CDH4: variants seen among roughly 807,000 people sequenced by gnomAD.
CDH4 encodes cadherin-4.
A neutral mutation model predicts 86.0 loss-of-function variants in CDH4; 33 were observed. The observed-to-expected ratio is 0.38, with a 90% CI of 0.29 to 0.51. The LOEUF (loss-of-function observed/expected upper bound fraction) is 0.51. Among genes scored for constraint, CDH4 ranks in the 20% least tolerant of loss-of-function variants. The probability of loss-of-function intolerance (pLI) is 0.86; values close to 1 mark genes in which losing one functional copy is unlikely to be tolerated. For missense variants in CDH4, 1,114 were observed against 1,307.4 expected (o/e 0.85, Z 2.28); for synonymous variants, 555 against 549.4 (o/e 1.01, Z -0.14).
Position 61,544,171 on chromosome 20 carries a change from G to A in CDH4, c.170-199392G>A, listed in dbSNP as rs948713427. Among the ~76,000 whole-genome samples the A allele has an allele frequency of 5.9e-5, 9 of 152,158 alleles. No homozygotes were observed. Among genetic ancestry groups the A allele is most frequent in the Non-Finnish European group, 1.0e-4 (7 of 68,028 alleles). On this transcript the variant is annotated intron_variant, in intron 2 of 15. Transcript: ENST00000614565. The surrounding 1 kb of genome is among the most constrained non-coding windows in gnomAD (Gnocchi z 6.5). ...GGCCATGTGGTCTCTTTAGATCTGC[G>A]GTTCTCTTTCAGAGATGATGCTGCC...
chr20:61,335,472 G>T (rs2084612076), intron 2 of CDH4, among the ~76,000 whole-genome samples: 1 of 152,170 alleles, frequency 6.6e-6, no homozygotes, highest in South Asian at 2.1e-4. Flanking sequence ...TTACTCAGTG[G>T]GGCCTTCCAG....
At chr20:61,542,325 C>T (rs2086045689) in intron 2 of CDH4, among the ~76,000 whole-genome samples, 1 of 152,152 alleles carries the variant, frequency 6.6e-6, no homozygotes, top group Non-Finnish European at 1.5e-5. Context: ...TCAAAGGGCA[C>T]CTGCTTTTTC....
At chr20:61,892,123 T>C (rs1455601879) in intron 7 of CDH4, among the ~76,000 whole-genome samples, 1 of 152,208 alleles carries the variant, frequency 6.6e-6, no homozygotes, top group Non-Finnish European at 1.5e-5. Flanking sequence ...TTATTTACAA[T>C]AATAGTGATG....
rs552782475 is a variant in CDH4 at position 61,795,468 on chromosome 20, T to G, written c.576+22286T>G. Among the ~76,000 whole-genome samples the G allele has an allele frequency of 2.0e-5, 3 of 152,212 alleles. No individual in the cohort carries two copies. In the South Asian group the frequency reaches 6.2e-4, roughly 32 times the overall value. On this transcript the variant is annotated intron_variant, in intron 4 of 15. Transcript: ENST00000614565. ...GACAGGTGAGCAGGAAGTCACATCA[T>G]GGTGGCGTAAATGAGACACTCAGGG...
intron 2 of CDH4, among the ~76,000 whole-genome samples, chr20:61,652,267 C>T (rs941348671): frequency 6.6e-6 from 1 of 152,218 alleles, no homozygotes; most frequent in African/African-American, 2.4e-5. Flanking sequence ...TCGAACAGTT[C>T]CTTCCACCCT....
chr20:61,353,493 G>A (rs1201151627), intron 2 of CDH4, among the ~76,000 whole-genome samples: 2 of 151,998 alleles, frequency 1.3e-5, no homozygotes, highest in East Asian at 3.9e-4. Flanking sequence ...ACTGAGCCTT[G>A]CAGAATATAA....
chr20:61,812,625 A>G (rs183961349), intron 4 of CDH4, among the ~76,000 whole-genome samples: 6 of 152,250 alleles, frequency 3.9e-5, no homozygotes, highest in Non-Finnish European at 5.9e-5. Flanking sequence ...TGCCCCTGGT[A>G]TGTAATTTAG....
At chr20:61,720,385 G>C (rs2088023060) in intron 2 of CDH4, among the ~76,000 whole-genome samples, 1 of 151,712 alleles carries the variant, frequency 6.6e-6, no homozygotes, top group Non-Finnish European at 1.5e-5. Flanking sequence ...GGGGTGCAGA[G>C]TGTAGGGGTG....
At chr20:61,855,636 A>G (rs779411938) in intron 6 of CDH4, among the ~76,000 whole-genome samples, 14 of 152,248 alleles carry the variant, frequency 9.2e-5, no homozygotes, top group Non-Finnish European at 1.6e-4. Context: ...TAAAAAATCA[A>G]TAGCAAAAGT....
At chr20:61,489,072 C>T (rs911103193) in intron 2 of CDH4, among the ~76,000 whole-genome samples, 1 of 152,214 alleles carries the variant, frequency 6.6e-6, no homozygotes, top group South Asian at 2.1e-4. Flanking sequence ...TCCCAGACCT[C>T]TGCTTGGAAG....
At chr20:61,356,235 C>A (rs2123310744) in intron 2 of CDH4, among the ~76,000 whole-genome samples, 1 of 152,268 alleles carries the variant, frequency 6.6e-6, no homozygotes, top group African/African-American at 2.4e-5. Flanking sequence ...AGGGTTGAGT[C>A]CCTTGCCCAA....
At chr20:61,321,632 C>T (rs1318479234) in intron 2 of CDH4, among the ~76,000 whole-genome samples, 1 of 152,178 alleles carries the variant, frequency 6.6e-6, no homozygotes, top group Non-Finnish European at 1.5e-5. Flanking sequence ...CGGAGGACTT[C>T]CGGCTTCGTC....
chr20:61,876,202 G>T (rs748634211), intron 7 of CDH4, among the ~76,000 whole-genome samples: 1 of 152,238 alleles, frequency 6.6e-6, no homozygotes, highest in Non-Finnish European at 1.5e-5. Flanking sequence ...CCTTGCAGGG[G>T]CAGGGTCAGG....
At chr20:61,771,262 G>A (rs1481046743) in intron 3 of CDH4, among the ~76,000 whole-genome samples, 1 of 151,274 alleles carries the variant, frequency 6.6e-6, no homozygotes, top group South Asian at 2.1e-4. Context: ...CAGCTGTCTT[G>A]ACCTCCCAAA....
intron 3 of CDH4, among the ~76,000 whole-genome samples, chr20:61,768,652 C>T (rs892573547): frequency 2.0e-5 from 3 of 152,290 alleles, no homozygotes; most frequent in South Asian, 2.1e-4. Flanking sequence ...AAGATGACTG[C>T]GTGTTCAAAA....
chr20:61,414,979 TC>T (rs2085138883), intron 2 of CDH4, among the ~76,000 whole-genome samples: 1 of 152,210 alleles, frequency 6.6e-6, no homozygotes, highest in South Asian at 2.1e-4. Flanking sequence ...ATGTCCTGCA[TC>T]CCTCACGGTG....
At chr20:61,364,319 A>T (rs2084799465) in intron 2 of CDH4, among the ~76,000 whole-genome samples, 1 of 152,138 alleles carries the variant, frequency 6.6e-6, no homozygotes, top group African/African-American at 2.4e-5. Flanking sequence ...GAGGACTCTT[A>T]GATCAACTTG....
chr20:61,654,314 A>C (rs1970021), intron 2 of CDH4, among the ~76,000 whole-genome samples: 1 of 151,964 alleles, frequency 6.6e-6, no homozygotes, highest in African/African-American at 2.4e-5. Context: ...AATCGCAAGC[A>C]CTCGGCAGGC....
intron 2 of CDH4, among the ~76,000 whole-genome samples, chr20:61,423,936 C>T (rs1202317063): frequency 3.4e-5 from 5 of 147,258 alleles, no homozygotes; most frequent in Admixed American, 6.6e-5. Flanking sequence ...TGCACATGCT[C>T]CTGTACACAG....
Sources: allele counts gnomAD v4.1 joint callset (sites outside exome capture counted in the v4.1 genomes callset), GRCh38; gene constraint gnomAD v4.1.1; non-coding constraint Gnocchi (gnomAD v3.1); transcripts MANE v1.5; gene names NCBI Gene and HGNC (gene_info 2026-07-23, HGNC 2026-07-21).